CHODL: variants seen among roughly 807,000 people sequenced by gnomAD.
CHODL encodes chondrolectin.
In CHODL, 29 loss-of-function variants were observed where a neutral mutation model predicts 34.5. That is an observed-to-expected ratio of 0.84 (90% CI 0.63 to 1.15). CHODL has a LOEUF of 1.15. Ranked by LOEUF, CHODL falls within the 50% of genes most tolerant of loss-of-function variation. CHODL has a pLI of 0.00. For synonymous variants in CHODL, 125 were observed against 116.1 expected (o/e 1.08, Z -0.49); for missense variants, 332 against 332.5 (o/e 1.00, Z 0.01).
intron 2 of CHODL, among the ~76,000 whole-genome samples, chr21:18,120,731 G>C (rs1460881310): frequency 6.6e-6 from 1 of 151,800 alleles, no homozygotes. Context: ...ACTTTGGTAT[G>C]ATACTTATTT....
At chr21:18,075,514 CA>C (rs147724484) in intron 2 of CHODL, among the ~76,000 whole-genome samples, 5,533 of 152,196 alleles carry the variant, frequency 0.036, 343 homozygotes, top group African/African-American at 0.12. Flanking sequence ...GGAACTTGGG[CA>C]AGATACTTAA....
In CHODL at chr21:18,266,218, C is replaced by A; in HGVS notation, c.*180C>A. 6.6e-7 allele frequency: 1 copy of A among 1,523,726 alleles called. No individual in the cohort carries two copies. The highest frequency in any genetic ancestry group is 8.8e-7 in the Non-Finnish European group (1 of 1,134,638). The allele number at this position is 1,523,726 out of a possible 1,614,324, so 94.4% of individuals were successfully genotyped here. On this transcript the variant is annotated 3_prime_UTR_variant, in exon 6 of 6. Coordinates refer to ENST00000299295, the MANE Select transcript of CHODL (RefSeq NM_024944.3). ...TCTATTATTTCATTTAAAGAATATG[C>A]TGTGCTAATAATGGAGTGAGACATG...
At chr21:18,097,243 A>C (rs1450582137) in intron 2 of CHODL, among the ~76,000 whole-genome samples, 3 of 152,158 alleles carry the variant, frequency 2.0e-5, no homozygotes, top group Non-Finnish European at 4.4e-5. Context: ...AAGAGAAAGG[A>C]ATACAGGGCA....
intron 2 of CHODL, among the ~76,000 whole-genome samples, chr21:18,067,530 G>A (rs912224972): frequency 1.4e-4 from 21 of 152,108 alleles, no homozygotes; most frequent in Non-Finnish European, 2.8e-4. Flanking sequence ...ATTCTTCCTC[G>A]CAGCCCTTTG....
intron 2 of CHODL, among the ~76,000 whole-genome samples, chr21:18,187,114 G>T (rs1451089456): frequency 6.6e-6 from 1 of 152,156 alleles, no homozygotes; most frequent in East Asian, 1.9e-4. Context: ...GCAGAATAGA[G>T]TGGAGGATTA....
intron 1 of CHODL, among the ~76,000 whole-genome samples, chr21:17,979,571 T>C (rs983931985): frequency 6.6e-6 from 1 of 152,222 alleles, no homozygotes; most frequent in Non-Finnish European, 1.5e-5. Flanking sequence ...GTAGCTTTAT[T>C]TGGATTACTG....
At chr21:18,070,026 C>CCCT (rs1491313294) in intron 2 of CHODL, among the ~76,000 whole-genome samples, 404 of 13,532 alleles carry the variant, frequency 0.03, 1 homozygote, top group African/African-American at 0.057. Context: ...TCCCTTCCCT[C>CCCT]CCCCCCCCCA....
intron 2 of CHODL, among the ~76,000 whole-genome samples, chr21:18,212,079 T>C (rs1197472092): frequency 6.6e-6 from 1 of 152,178 alleles, no homozygotes; most frequent in African/African-American, 2.4e-5. Flanking sequence ...GGGATGGGAA[T>C]GGTCATTTAA....
rs138715808 is a variant in CHODL at position 18,031,104 on chromosome 21, T to C, written c.-45+3133T>C. Among the ~76,000 whole-genome samples the C allele has an allele frequency of 1.2e-4, 18 of 152,252 alleles. No homozygotes were observed. In the East Asian group the frequency reaches 3.5e-3, roughly 30 times the overall value. On this transcript the variant is annotated intron_variant, in intron 2 of 6. Coordinates refer to the CHODL transcript ENST00000400127. ...AAATTTTGGTTCATAATGGCTCTTA[T>C]ATGAAAACGGAAACTCAGAATTGGT...
chr21:18,174,095 C>A (rs528812556), intron 2 of CHODL, among the ~76,000 whole-genome samples: 8 of 11,426 alleles, frequency 7.0e-4, no homozygotes, highest in East Asian at 5.3e-3. Flanking sequence ...GAAACAAATA[C>A]AGGATATATA....
chr21:18,125,266 G>A (rs2065528056), intron 2 of CHODL, among the ~76,000 whole-genome samples: 2 of 152,122 alleles, frequency 1.3e-5, no homozygotes, highest in Non-Finnish European at 2.9e-5. Context: ...TCTAATCACT[G>A]TTTTATTCAG....
chr21:18,237,800 CAT>C (rs2074042371), intron 2 of CHODL, among the ~76,000 whole-genome samples: 1 of 152,004 alleles, frequency 6.6e-6, no homozygotes, highest in Non-Finnish European at 1.5e-5. Flanking sequence ...ATTGAATAAA[CAT>C]AAAAATTTCC....
At chr21:17,996,227 G>C (rs2063848410) in intron 1 of CHODL, among the ~76,000 whole-genome samples, 1 of 152,102 alleles carries the variant, frequency 6.6e-6, no homozygotes, top group South Asian at 2.1e-4. Flanking sequence ...CCTCCTGTTG[G>C]TAAATTGAAG....
chr21:18,070,026 C>CCCTTCCCTTCCCTTCCCTTCCCTTCCCT (rs1491313294), intron 2 of CHODL, among the ~76,000 whole-genome samples: 1 of 13,518 alleles, frequency 7.4e-5, no homozygotes, highest in African/African-American at 1.6e-4. Flanking sequence ...TCCCTTCCCT[C>CCCTTCCCTTCCCTTCCCTTCCCTTCCCT]CCCCCCCCCA....
At position 18,145,306 on chromosome 21, in the gene CHODL, G is replaced by A. The variant is rs1300535328; in HGVS notation, c.-44-111203G>A. The stretch of plus-strand genomic sequence containing the variant: ...CAAAAAATTAGCCGGGCGCGGTGGC[G>A]GGCGCCTGTAGTCCCAGCTACTCGG... On this transcript the variant is annotated intron_variant, in intron 2 of 6. Transcript: ENST00000400127. 4.7e-5 allele frequency among the ~76,000 whole-genome samples: 7 copies of A among 148,718 alleles called. No individual in the cohort carries two copies. The South Asian group carries it at 1.1e-3, about 23-fold the overall frequency.
rs138940333 is a variant in CHODL at position 18,044,834 on chromosome 21, T to A, written c.-45+16863T>A. Among the ~76,000 whole-genome samples the A allele has an allele frequency of 3.3e-3, 508 of 152,002 alleles. 1 individual carries two copies. Among genetic ancestry groups the A allele is most frequent in the African/African-American group, 0.011 (471 of 41,492 alleles). On this transcript the variant is annotated intron_variant, in intron 2 of 6. Coordinates refer to the CHODL transcript ENST00000400127. ...TTCAGATGGCTAATTTCATCCTACT[T>A]CACAGAGTTGTAAGGGCTTAATTTA...
At chr21:18,095,142 A>G (rs1370284620) in intron 2 of CHODL, among the ~76,000 whole-genome samples, 1 of 151,950 alleles carries the variant, frequency 6.6e-6, no homozygotes, top group Non-Finnish European at 1.5e-5. Context: ...AAAAGAAGGA[A>G]AGAAAAATAA....
chr21:18,125,495 G>T (rs971541743), intron 2 of CHODL, among the ~76,000 whole-genome samples: 3 of 152,048 alleles, frequency 2.0e-5, no homozygotes, highest in African/African-American at 7.2e-5. Context: ...ACCTAAAAGT[G>T]AGGAAAACGT....
chr21:18,210,251 T>G (rs2073758311), intron 2 of CHODL, among the ~76,000 whole-genome samples: 1 of 152,196 alleles, frequency 6.6e-6, no homozygotes, highest in Non-Finnish European at 1.5e-5. Context: ...CCATGTTGCT[T>G]TCTGCTGTGA....
Sources: allele counts gnomAD v4.1 joint callset (sites outside exome capture counted in the v4.1 genomes callset), GRCh38; gene constraint gnomAD v4.1.1; transcripts MANE v1.5; gene names NCBI Gene and HGNC (gene_info 2026-07-23, HGNC 2026-07-21).